Variants in NRDC observed in about 807,000 individuals in gnomAD.
The protein encoded by NRDC is nardilysin.
NRDC carries 54 observed loss-of-function variants against 147.1 expected under a neutral mutation model. The observed-to-expected ratio is 0.37, with a 90% CI of 0.29 to 0.46. The LOEUF (loss-of-function observed/expected upper bound fraction) is 0.46, where lower values mean the gene tolerates loss of function less well. NRDC is among the 20% of genes least tolerant of loss of function. The probability of loss-of-function intolerance (pLI) is 1.00; values close to 1 mark genes in which losing one functional copy is unlikely to be tolerated. For missense variants in NRDC, 1,082 were observed against 1,370.6 expected, an observed-to-expected ratio of 0.79 and a Z score of 3.33; for synonymous variants, 440 against 482.1, an observed-to-expected ratio of 0.91 and a Z score of 1.14.
Position 51,810,717 on chromosome 1 carries a change from G to A in NRDC, c.1780-313C>T, listed in dbSNP as rs114062871. On this transcript the variant is annotated intron_variant, in intron 15 of 30. Transcript: ENST00000352171. ...CTTTACTACTAAGCTTCTACTGTGA[G>A]CCAGGAAGTATTTAACATACATTAT... Among the ~76,000 whole-genome samples the A allele has an allele frequency of 4.2e-3, 637 of 152,238 alleles. 6 individuals carry two copies. Among genetic ancestry groups the A allele is most frequent in the Admixed American group, 0.011 (162 of 15,286 alleles).
chr1:51,809,451 A>G (rs772088235), intron 16 of NRDC, 50 bp from the exon 17 acceptor site: 3 of 1,177,014 alleles, frequency 2.5e-6, no homozygotes, highest in Admixed American at 3.4e-5. Flanking sequence ...AATGTTCAAC[A>G]TTCTCTTAAT....
At chr1:51,790,189 ACTTGGAATAATGAACT>A (rs1678533737) in intron 29 of NRDC, among the ~76,000 whole-genome samples, 1 of 152,196 alleles carries the variant, frequency 6.6e-6, no homozygotes, top group Admixed American at 6.5e-5. Context: ...AAACACATGC[ACTTGGAATAATGAACT>A]CCGTAAAGAC....
Position 51,821,494 on chromosome 1 carries a change from T to G in NRDC, c.1217+4A>C. ...TGTATGATGTATGAAAATAAATATC[T>G]TACTTGTTTGGTATCTGAGAGAAGA... On this transcript the variant is annotated splice_donor_region_variant and intron_variant, in intron 8 of 30. Transcript: ENST00000352171. The G allele has an allele frequency of 6.3e-7, 1 of 1,577,454 alleles. No individual in the cohort carries two copies. The highest frequency in any genetic ancestry group is 2.2e-5 in the East Asian group (1 of 44,662).
rs1410789390 is a variant in NRDC, at chr1:51,834,055, A to G, written c.828T>C (p.Phe276=). The stretch of plus-strand genomic sequence containing the variant: ...CCTTGAAGTACTTCCTCTGGACATC[A>G]AACTGAAAGACAGTGCGTTCACAAT... ...STDCERTVFQ[F]DVQRKYFKEA... is the part of the protein sequence containing the mutation. Residue 276 remains phenylalanine (F), a synonymous_variant, in exon 4 of 31, where the codon TTT becomes TTC. Coordinates refer to ENST00000352171, the MANE Select transcript of NRDC (RefSeq NM_001101662.2). 1 of 1,613,998 alleles carries G rather than the reference A, an allele frequency of 6.2e-7. No homozygotes were observed. The highest frequency in any genetic ancestry group is 8.5e-7 in the Non-Finnish European group (1 of 1,180,014).
intron 4 of NRDC, among the ~76,000 whole-genome samples, chr1:51,828,472 A>G (rs919000082): frequency 1.3e-5 from 2 of 152,144 alleles, no homozygotes; most frequent in East Asian, 3.8e-4. Context: ...CGTTTCAGTT[A>G]AAAGTTAAAT....
intron 1 of NRDC, among the ~76,000 whole-genome samples, chr1:51,867,872 T>G (rs1486385227): frequency 6.6e-6 from 1 of 152,174 alleles, no homozygotes; most frequent in Non-Finnish European, 1.5e-5. Flanking sequence ...ACTGAATAGC[T>G]AGAAGGACAT....
Position 51,840,516 on chromosome 1 carries a change from T to A in NRDC, c.342-2A>T. 1 of 1,571,732 alleles carries A rather than the reference T, an allele frequency of 6.4e-7. No individual in the cohort carries two copies. Among genetic ancestry groups the A allele is most frequent in the Non-Finnish European group, 8.6e-7 (1 of 1,163,022 alleles). On this transcript the variant is annotated splice_acceptor_variant, in intron 1 of 30. Transcript: ENST00000352171. LOFTEE classifies it high-confidence loss of function. ...AAGCCATTCTGTAATTTGATGTATC[T>A]GGGGGGAGAAAAAAAAAATCACACA...
At chr1:51,806,964 C>A (rs768497718) in intron 17 of NRDC, 51 bp from the exon 18 acceptor site, 1 of 1,589,568 alleles carries the variant, frequency 6.3e-7, no homozygotes, top group Non-Finnish European at 8.5e-7. Flanking sequence ...GCAGGAGCCC[C>A]AGTAATCTGT....
chr1:51,877,230 T>C (rs1403194546), intron 1 of NRDC, among the ~76,000 whole-genome samples: 1 of 152,020 alleles, frequency 6.6e-6, no homozygotes, highest in Non-Finnish European at 1.5e-5. Flanking sequence ...GAATTTGGTG[T>C]CAGATAGTAG....
chr1:51,871,515 TAA>T (rs60495773), intron 1 of NRDC, among the ~76,000 whole-genome samples: 2,519 of 20,694 alleles, frequency 0.12, 18 homozygotes, highest in Non-Finnish European at 0.15. Flanking sequence ...ACTGGTTCAT[TAA>T]AAAAAAAAAA....
In NRDC at chr1:51,791,414, T is replaced by C. The variant is rs181223803; in HGVS notation, c.2960+164A>G. On this transcript the variant is annotated intron_variant, in intron 27 of 30. Coordinates refer to ENST00000352171, the MANE Select transcript of NRDC (RefSeq NM_001101662.2). ...AAGGGCCACTGGAACTATTGATCAG[T>C]CCTGGAACAGACCATCTATAACAAC... is the stretch of plus-strand genomic sequence containing the variant. Among the ~76,000 whole-genome samples, 411 of 152,318 alleles carry C rather than the reference T, an allele frequency of 2.7e-3. 2 individuals are homozygous for C. Among genetic ancestry groups the C allele is most frequent in the African/African-American group, 9.0e-3 (374 of 41,562 alleles).
rs774544105 is a variant in NRDC at position 51,827,781 on chromosome 1, A to T, written c.940+15T>A. The T allele has an allele frequency of 2.5e-6, 4 of 1,607,394 alleles. No homozygotes were observed. In the South Asian group the frequency reaches 4.4e-5, roughly 18 times the overall value. ...AAGGAAAAAACTGTAGTTACACATAAAGTACTCCTCTTACCACTATCAACA... is the reference window on the plus strand; with the variant it reads ...AAGGAAAAAACTGTAGTTACACATATAGTACTCCTCTTACCACTATCAACA... On this transcript the variant is annotated intron_variant, in intron 5 of 30. Coordinates refer to ENST00000352171, the MANE Select transcript of NRDC (RefSeq NM_001101662.2).
intron 1 of NRDC, among the ~76,000 whole-genome samples, chr1:51,856,084 A>C (rs1402197275): frequency 6.6e-6 from 1 of 152,230 alleles, no homozygotes; most frequent in Non-Finnish European, 1.5e-5. Flanking sequence ...TTTCTGATGA[A>C]TCTCAAATGG....
intron 1 of NRDC, among the ~76,000 whole-genome samples, chr1:51,861,848 G>C (rs1040335198): frequency 6.6e-6 from 1 of 152,012 alleles, no homozygotes; most frequent in Non-Finnish European, 1.5e-5. Context: ...CCACACACAC[G>C]CACACATTTA....
intron 1 of NRDC, among the ~76,000 whole-genome samples, chr1:51,857,269 C>G (rs1329754372): frequency 6.6e-6 from 1 of 152,184 alleles, no homozygotes; most frequent in East Asian, 1.9e-4. Flanking sequence ...AAACTATGTT[C>G]AAATACTCCA....
At chr1:51,871,239 C>T (rs1683071430) in intron 1 of NRDC, among the ~76,000 whole-genome samples, 1 of 152,078 alleles carries the variant, frequency 6.6e-6, no homozygotes. Context: ...ATTGCTTGAA[C>T]TCGGGAAGTG....
At chr1:51,813,130 A>T (rs1037040679) in intron 14 of NRDC, among the ~76,000 whole-genome samples, 10 of 152,198 alleles carry the variant, frequency 6.6e-5, no homozygotes, top group Non-Finnish European at 1.5e-4. Context: ...TTTTAAAAAA[A>T]TTAAAATGTG....
intron 1 of NRDC, among the ~76,000 whole-genome samples, chr1:51,845,323 T>G (rs995941477): frequency 1.9e-4 from 29 of 152,182 alleles, no homozygotes; most frequent in African/African-American, 7.0e-4. Context: ...CCGGCCGCAG[T>G]GGCTCACACC....
chr1:51,841,193 G>T (rs912883451), intron 1 of NRDC, among the ~76,000 whole-genome samples: 6 of 152,070 alleles, frequency 3.9e-5, no homozygotes, highest in African/African-American at 1.4e-4. Flanking sequence ...CTCCTGAGTG[G>T]CTGGGATTAC....
Sources: gnomAD v4.1 joint callset for allele counts (sites outside exome capture counted in the v4.1 genomes callset) on GRCh38, gnomAD v4.1.1 for gene constraint, MANE v1.5 for transcripts, NCBI Gene and HGNC (gene_info 2026-07-23, HGNC 2026-07-21) for gene names.